CSMD1: variants seen among roughly 807,000 people sequenced by gnomAD.
CSMD1 encodes CUB and sushi domain-containing protein 1.
In CSMD1, 213 loss-of-function variants were observed where a neutral mutation model predicts 417.5. The observed-to-expected ratio is 0.51, with a 90% CI of 0.46 to 0.57. The LOEUF (loss-of-function observed/expected upper bound fraction) is 0.57. Among genes scored for constraint, CSMD1 ranks in the 20% least tolerant of loss-of-function variants. CSMD1 has a pLI of 0.00. For synonymous variants in CSMD1, 2,862 were observed against 1,736.8 expected, an observed-to-expected ratio of 1.65 and a Z score of -16.11; for missense variants, 6,923 against 4,529.7, an observed-to-expected ratio of 1.53 and a Z score of -15.17.
intron 3 of CSMD1, among the ~76,000 whole-genome samples, chr8:4,388,659 C>G (rs1803635213): frequency 6.6e-6 from 1 of 151,978 alleles, no homozygotes; most frequent in South Asian, 2.1e-4. Context: ...AAAAACTTAC[C>G]TATGTAACCA....
intron 10 of CSMD1, among the ~76,000 whole-genome samples, chr8:3,544,213 T>C (rs1028374849): frequency 6.6e-6 from 1 of 152,056 alleles, no homozygotes; most frequent in African/African-American, 2.4e-5. Flanking sequence ...ATTGATAACG[T>C]TTACTAAACA....
intron 2 of CSMD1, among the ~76,000 whole-genome samples, chr8:4,553,959 G>C (rs1209330898): frequency 6.6e-6 from 1 of 152,152 alleles, no homozygotes; most frequent in Non-Finnish European, 1.5e-5. Flanking sequence ...CATTTAGCCT[G>C]TCACGCTGAT....
chr8:4,025,790 C>G (rs985178298), intron 4 of CSMD1, among the ~76,000 whole-genome samples: 2 of 152,116 alleles, frequency 1.3e-5, no homozygotes, highest in East Asian at 3.9e-4. Context: ...CAGTTTTAAG[C>G]AAAGGTGACT....
intron 2 of CSMD1, among the ~76,000 whole-genome samples, chr8:4,464,050 AAG>A (rs1490605922): frequency 6.6e-6 from 1 of 152,158 alleles, no homozygotes. Flanking sequence ...ATTAAAAAAA[AAG>A]GAATATGGTA....
At chr8:3,580,835 T>C (rs1166777717) in intron 9 of CSMD1, among the ~76,000 whole-genome samples, 2 of 152,186 alleles carry the variant, frequency 1.3e-5, no homozygotes, top group Non-Finnish European at 1.5e-5. Flanking sequence ...TATTACTCTT[T>C]AAAAGGTCAT....
intron 1 of CSMD1, among the ~76,000 whole-genome samples, chr8:4,722,696 T>C (rs971131360): frequency 1.3e-5 from 2 of 152,146 alleles, no homozygotes; most frequent in Admixed American, 6.6e-5. Flanking sequence ...ATTTTTCTAA[T>C]TTGAATATGA....
intron 3 of CSMD1, among the ~76,000 whole-genome samples, chr8:4,130,313 A>T (rs1385902408): frequency 2.0e-5 from 3 of 152,136 alleles, no homozygotes; most frequent in African/African-American, 7.2e-5. Context: ...ATAATCCCCA[A>T]ATATGCCTAA....
chr8:3,162,138 G>C (rs372508443), intron 38 of CSMD1, 21 bp downstream of exon 38: 8 of 1,463,448 alleles, frequency 5.5e-6, no homozygotes, highest in African/African-American at 4.2e-5. Flanking sequence ...TGTTATTCCT[G>C]AGCACTGAGA....
intron 12 of CSMD1, among the ~76,000 whole-genome samples, chr8:3,441,242 C>A (rs562684220): frequency 1.3e-5 from 2 of 152,122 alleles, no homozygotes; most frequent in Admixed American, 6.6e-5. Context: ...TGATTTTGGA[C>A]TTGTGGCCTC....
chr8:3,677,495 C>G (rs574149288), intron 7 of CSMD1, among the ~76,000 whole-genome samples: 2 of 152,296 alleles, frequency 1.3e-5, no homozygotes, highest in African/African-American at 2.4e-5. Flanking sequence ...CAGAAGACAT[C>G]AGGAGACACA....
At position 4,316,053 on chromosome 8, in the gene CSMD1, A is replaced by G. The variant is rs985366454; in HGVS notation, c.415+103900T>C. Among the ~76,000 whole-genome samples the G allele has an allele frequency of 1.4e-4, 22 of 152,298 alleles. 1 individual carries two copies. The highest frequency in any genetic ancestry group is 1.3e-3 in the Admixed American group (20 of 15,282). ...ATTTGAAAATATCCCACTGAGAAAT[A>G]TATGAATCCTTGAGTAGAAAATAAA... On this transcript the variant is annotated intron_variant, in intron 3 of 69. Coordinates refer to ENST00000635120, the MANE Select transcript of CSMD1 (RefSeq NM_033225.6).
chr8:4,444,218 T>A (rs1798648468), intron 2 of CSMD1, among the ~76,000 whole-genome samples: 1 of 151,684 alleles, frequency 6.6e-6, no homozygotes, highest in African/African-American at 2.4e-5. Context: ...GGCACAGACC[T>A]GTGATCCCAA....
intron 2 of CSMD1, among the ~76,000 whole-genome samples, chr8:4,619,486 T>G (rs1310019362): frequency 2.6e-5 from 4 of 152,130 alleles, no homozygotes; most frequent in African/African-American, 9.7e-5. Context: ...AAAAGCCCAT[T>G]GGACTAGGTA....
chr8:4,435,115 G>A (rs1489219779), intron 2 of CSMD1, among the ~76,000 whole-genome samples: 2 of 151,948 alleles, frequency 1.3e-5, no homozygotes, highest in South Asian at 4.2e-4. Flanking sequence ...CTAAAAATAA[G>A]GAAAAACTGT....
intron 7 of CSMD1, among the ~76,000 whole-genome samples, chr8:3,689,830 C>G (rs1195116255): frequency 6.6e-6 from 1 of 152,188 alleles, no homozygotes; most frequent in Non-Finnish European, 1.5e-5. Flanking sequence ...TTCCAAACTA[C>G]TGGGCTCAGA....
At chr8:3,337,032 T>A (rs1807309546) in intron 23 of CSMD1, among the ~76,000 whole-genome samples, 1 of 152,054 alleles carries the variant, frequency 6.6e-6, no homozygotes, top group Non-Finnish European at 1.5e-5. Flanking sequence ...GAACTGTAAC[T>A]TTCTGGGGAG....
chr8:4,235,168 A>G (rs553492603), intron 3 of CSMD1, among the ~76,000 whole-genome samples: 11 of 152,292 alleles, frequency 7.2e-5, no homozygotes, highest in African/African-American at 2.2e-4. Context: ...TGTGTGATTC[A>G]TCTTTCAGAG....
At position 3,046,762 on chromosome 8, in the gene CSMD1, T is replaced by G. The variant is rs531317518; in HGVS notation, c.7660+5700A>C. 1.2e-4 allele frequency among the ~76,000 whole-genome samples: 19 copies of G among 152,348 alleles called. No homozygotes were observed. The East Asian group carries it at 3.3e-3, about 26-fold the overall frequency. ...AACACTTCCCTAGAGGTTTCTGTGA[T>G]GCCCAGCCACATCTGTGTGCTCACA... is the stretch of plus-strand genomic sequence containing the variant. On this transcript the variant is annotated intron_variant, in intron 50 of 69. Transcript: ENST00000635120.
chr8:3,484,020 C>G (rs1817886883), intron 11 of CSMD1, among the ~76,000 whole-genome samples: 3 of 152,106 alleles, frequency 2.0e-5, no homozygotes, highest in South Asian at 4.1e-4. Flanking sequence ...TAATGTAATT[C>G]CTATCACAAT....
Sources: allele counts gnomAD v4.1 joint callset (sites outside exome capture counted in the v4.1 genomes callset), GRCh38; gene constraint gnomAD v4.1.1; transcripts MANE v1.5; gene names NCBI Gene and HGNC (gene_info 2026-07-23, HGNC 2026-07-21).